The following MVK variants were observed in gnomAD, a reference collection of about 807,000 sequenced individuals.
The protein encoded by MVK is LH receptor mRNA-binding protein.
Under a neutral mutation model 43.2 loss-of-function variants are expected in MVK, and 34 were observed. The ratio of observed to expected loss-of-function variants is 0.79; its 90% confidence interval spans 0.60 to 1.05. The LOEUF (loss-of-function observed/expected upper bound fraction) is 1.05, where lower values mean the gene tolerates loss of function less well. Ranked by LOEUF, MVK falls within the 50% of genes least tolerant of loss-of-function variation. The pLI is 0.00. For synonymous variants in MVK, 190 were observed against 219.8 expected, an observed-to-expected ratio of 0.86 and a Z score of 1.20; for missense variants, 395 against 504.0, an observed-to-expected ratio of 0.78 and a Z score of 2.07.
intron 1 of MVK, 124 bp from the exon 2 acceptor site, chr12:109,574,685 A>C (rs1884846939): frequency 1.2e-6 from 1 of 818,158 alleles, no homozygotes; most frequent in Admixed American, 2.0e-5. Context: ...GGTACGTAGC[A>C]AGTGCTGGAC....
Position 109,596,919 on chromosome 12 carries a change from C to T in MVK, c.*342C>T. On this transcript the variant is annotated 3_prime_UTR_variant, in exon 11 of 11. Coordinates refer to ENST00000228510, the MANE Select transcript of MVK (RefSeq NM_000431.4). Reference sequence around the variant, plus strand: ...TGTGTTCTTCCTGGCCGCCTGGGTCCAATGCTCAGGTGCTGGGGCCTGGTT... The same window carrying T: ...TGTGTTCTTCCTGGCCGCCTGGGTCTAATGCTCAGGTGCTGGGGCCTGGTT... 1 of 397,098 alleles carries T rather than the reference C, an allele frequency of 2.5e-6. No individual in the cohort carries two copies. Among genetic ancestry groups the T allele is most frequent in the Non-Finnish European group, 4.8e-6 (1 of 210,374 alleles). The allele number at this position is 397,098 out of a possible 1,614,324, so 24.6% of individuals were successfully genotyped here.
At chr12:109,582,437 G>C (rs1251400017) in intron 5 of MVK, among the ~76,000 whole-genome samples, 1 of 152,172 alleles carries the variant, frequency 6.6e-6, no homozygotes, top group African/African-American at 2.4e-5. Flanking sequence ...CCAGGTTCAA[G>C]TGATTTTCCA....
chr12:109,596,693 GC>G lies in MVK; in HGVS notation c.*120del. The stretch of plus-strand genomic sequence containing the variant: ...CCCAGCTCCTGACACTGCTGGAGAG[GC>G]CCCAGCCGCTTGGCGATGCCAGCCA... On this transcript the variant is annotated 3_prime_UTR_variant, in exon 11 of 11. Transcript: ENST00000228510. 8.4e-6 allele frequency: 12 copies of G among 1,427,420 alleles called. No individual in the cohort carries two copies. In the South Asian group the frequency reaches 1.3e-4, roughly 16 times the overall value. The allele number at this position is 1,427,420 out of a possible 1,614,324, so 88.4% of individuals were successfully genotyped here. A position where few individuals can be genotyped will look rare whatever the true frequency, so the allele number is the denominator to read the frequency against.
rs1265892382 is a variant in MVK at position 109,596,705 on chromosome 12, T to TGG, written c.*129_*130dup. ...CACTGCTGGAGAGGCCCCAGCCGCT[T>TGG]GGCGATGCCAGCCAAGCTCTGCAGT... On this transcript the variant is annotated 3_prime_UTR_variant, in exon 11 of 11. Transcript: ENST00000228510. 3.7e-6 allele frequency: 5 copies of TGG among 1,350,286 alleles called. No individual in the cohort carries two copies. Among genetic ancestry groups the TGG allele is most frequent in the Non-Finnish European group, 5.1e-6 (5 of 979,162 alleles). 83.6% of individuals were successfully genotyped at this position (1,350,286 alleles called of 1,614,324 possible).
chr12:109,579,995 A>G (rs546446437), intron 4 of MVK, 49 bp downstream of exon 4: 23 of 1,612,614 alleles, frequency 1.4e-5, no homozygotes, highest in Admixed American at 3.3e-5. Flanking sequence ...TCCCATGGAG[A>G]AAAAGGAAGA....
chr12:109,580,878 G>A (rs1000633668), intron 4 of MVK, among the ~76,000 whole-genome samples: 39 of 152,268 alleles, frequency 2.6e-4, no homozygotes, highest in African/African-American at 8.9e-4. Flanking sequence ...CCTAGTGTGC[G>A]GTGGTGAGGC....
At chr12:109,590,406 C>T (rs574593975) in intron 7 of MVK, 1 of 360,228 alleles carries the variant, frequency 2.8e-6, no homozygotes, top group African/African-American at 2.1e-5. Context: ...TTGGTGGCTT[C>T]TTACCCTTCC....
Position 109,595,182 on chromosome 12 carries a change from G to C in MVK, c.1039+1G>C. On this transcript the variant is annotated splice_donor_variant, in intron 10 of 10. Coordinates refer to ENST00000228510, the MANE Select transcript of MVK (RefSeq NM_000431.4). LOFTEE classifies it high-confidence loss of function. The surrounding 1 kb of genome is among the most constrained non-coding windows in gnomAD (Gnocchi z 5.9). ...TGTGGCATCACACTCCTCAAGCCAG[G>C]TATCCCGGGGGTAGGTGGGCCAGGC... 9 of 1,614,010 alleles carry C rather than the reference G, an allele frequency of 5.6e-6. No individual in the cohort carries two copies. The highest frequency in any genetic ancestry group is 7.6e-6 in the Non-Finnish European group (9 of 1,180,020).
At chr12:109,594,963 G>T in intron 9 of MVK, 65 bp from the exon 10 acceptor site, 2 of 1,604,188 alleles carry the variant, frequency 1.2e-6, no homozygotes, top group Non-Finnish European at 1.7e-6. Flanking sequence ...GGCAGGCTCA[G>T]GGGTGGGCAT....
chr12:109,585,056 G>A (rs1425640602), intron 5 of MVK, among the ~76,000 whole-genome samples: 2 of 152,178 alleles, frequency 1.3e-5, no homozygotes, highest in Admixed American at 6.5e-5. Context: ...TGATCATTTT[G>A]TCTTGTTCCA....
rs759718015 is a variant in MVK at position 109,574,680 on chromosome 12, G to A, written c.-14-129G>A. 3.8e-6 allele frequency: 3 copies of A among 791,690 alleles called. No individual in the cohort carries two copies. The East Asian group carries it at 8.1e-5, about 21-fold the overall frequency. The allele number at this position is 791,690 out of a possible 1,614,324, so 49.0% of individuals were successfully genotyped here. A position where few individuals can be genotyped will look rare whatever the true frequency, so the allele number is the denominator to read the frequency against. On this transcript the variant is annotated intron_variant, in intron 1 of 10. Coordinates refer to ENST00000228510, the MANE Select transcript of MVK (RefSeq NM_000431.4). ...GACTCCTGCATTGCCTTTCTGGTACGTAGCAAGTGCTGGACGGTAACTACC... is the reference window on the plus strand; with the variant it reads ...GACTCCTGCATTGCCTTTCTGGTACATAGCAAGTGCTGGACGGTAACTACC...
chr12:109,580,057 C>T, intron 4 of MVK, 111 bp downstream of exon 4: 1 of 1,504,484 alleles, frequency 6.6e-7, no homozygotes, highest in Non-Finnish European at 9.1e-7. Context: ...AGAGCAGCAG[C>T]CATTGGCTGT....
intron 7 of MVK, among the ~76,000 whole-genome samples, chr12:109,587,560 G>A (rs1224645236): frequency 6.6e-6 from 1 of 152,172 alleles, no homozygotes; most frequent in Non-Finnish European, 1.5e-5. Flanking sequence ...TTGTGGGGTG[G>A]TGTTTGTCCC....
At chr12:109,573,515 G>C (rs1471461507), upstream of MVK, 31 of 1,578,748 alleles carry the variant, frequency 2.0e-5, no homozygotes, top group Non-Finnish European at 2.5e-5. Flanking sequence ...GACCCCGCCA[G>C]GTTCCCGTCC....
At chr12:109,586,995 G>T (rs1885463120) in intron 7 of MVK, 196 bp downstream of exon 7, 4 of 623,770 alleles carry the variant, frequency 6.4e-6, no homozygotes, top group Non-Finnish European at 1.1e-5. Flanking sequence ...CTCCCCTTCA[G>T]CTCTTAAATT....
intron 7 of MVK, chr12:109,587,065 A>C (rs940136791): frequency 2.0e-6 from 1 of 493,560 alleles, no homozygotes; most frequent in Non-Finnish European, 3.7e-6. Context: ...TCAGCTGCTC[A>C]TTCATTCATT....
In MVK at chr12:109,586,765, C is replaced by A; in HGVS notation, c.643C>A (p.Arg215=). 1 of 1,614,112 alleles carries A rather than the reference C, an allele frequency of 6.2e-7. No homozygotes were observed. The highest frequency in any genetic ancestry group is 1.1e-5 in the South Asian group (1 of 91,080). Residue 215 remains arginine, a synonymous_variant, in exon 7 of 11, where the codon CGA becomes AGA. Transcript: ENST00000228510. ...NAVSTWGGAL[R]YHQGKISSLK... is the part of the protein sequence containing the mutation. ...GTTTTTCTCTTTAGGAGGAGCCCTC[C>A]GATACCATCAAGGGAAGATTTCATC...
At chr12:109,586,154 GT>G in intron 6 of MVK, 29 bp downstream of exon 6, 1 of 1,558,710 alleles carries the variant, frequency 6.4e-7, no homozygotes, top group Non-Finnish European at 8.8e-7. Flanking sequence ...TTATTTTATT[GT>G]TGTTATTTTA....
chr12:109,592,117 A>G (rs183011741), intron 9 of MVK, among the ~76,000 whole-genome samples: 1 of 152,306 alleles, frequency 6.6e-6, no homozygotes, highest in Non-Finnish European at 1.5e-5. Flanking sequence ...GACGGTACAT[A>G]TCGGTAGTCC....
Sources: gnomAD v4.1 joint callset for allele counts (sites outside exome capture counted in the v4.1 genomes callset) on GRCh38, gnomAD v4.1.1 for gene constraint, Gnocchi (gnomAD v3.1) non-coding constraint, MANE v1.5 for transcripts, NCBI Gene and HGNC (gene_info 2026-07-23, HGNC 2026-07-21) for gene names.